The following TOX3 variants were observed in gnomAD, a reference collection of about 807,000 sequenced individuals.
The protein encoded by TOX3 is TOX high mobility group box family member 3.
Under a neutral mutation model 64.3 loss-of-function variants are expected in TOX3, and 22 were observed. That is an observed-to-expected ratio of 0.34 (90% CI 0.24 to 0.49). The LOEUF is 0.49. Among genes scored for constraint, TOX3 ranks in the 20% least tolerant of loss-of-function variants. The pLI is 0.99. For synonymous variants in TOX3, 291 were observed against 273.6 expected, an observed-to-expected ratio of 1.06 and a Z score of -0.63; for missense variants, 661 against 714.4, an observed-to-expected ratio of 0.93 and a Z score of 0.85.
chr16:52,489,519 G>A (rs1961618001), intron 1 of TOX3, among the ~76,000 whole-genome samples: 1 of 152,112 alleles, frequency 6.6e-6, no homozygotes, highest in African/African-American at 2.4e-5. Flanking sequence ...TCTGGAAAGA[G>A]TTATTTTCAT....
At chr16:52,544,801 C>G (rs1471574029) in intron 1 of TOX3, among the ~76,000 whole-genome samples, 1 of 152,200 alleles carries the variant, frequency 6.6e-6, no homozygotes, top group East Asian at 1.9e-4. Context: ...TTCCTCTGGT[C>G]CCTTGAAGTA....
At chr16:52,517,618 G>C (rs1292795886) in intron 1 of TOX3, among the ~76,000 whole-genome samples, 3 of 151,978 alleles carry the variant, frequency 2.0e-5, no homozygotes, top group Admixed American at 1.3e-4. Context: ...TAGACTACAT[G>C]CATCTTACCT....
At chr16:52,477,736 T>C (rs1044070867) in intron 1 of TOX3, among the ~76,000 whole-genome samples, 1 of 152,148 alleles carries the variant, frequency 6.6e-6, no homozygotes. Flanking sequence ...GTGTTTCAAT[T>C]TTCCCATCAA....
rs45586034 is a variant in TOX3 at position 52,541,086 on chromosome 16, A to T, written c.87+5551T>A. Among the ~76,000 whole-genome samples, 381 of 152,182 alleles carry T rather than the reference A, an allele frequency of 2.5e-3. 3 individuals carry two copies. Among genetic ancestry groups the T allele is most frequent in the Non-Finnish European group, 1.9e-3 (129 of 68,016 alleles). ...TAGTCTACAGACCCACAACCTTAGC[A>T]TTGCCTGGGAGCCCAGCCCTGGGCC... On this transcript the variant is annotated intron_variant, in intron 1 of 6. Coordinates refer to ENST00000219746, the MANE Select transcript of TOX3 (RefSeq NM_001080430.4).
At chr16:52,534,686 G>A (rs1962914309) in intron 1 of TOX3, among the ~76,000 whole-genome samples, 1 of 151,922 alleles carries the variant, frequency 6.6e-6, no homozygotes, top group African/African-American at 2.4e-5. Context: ...ACTGGACTCT[G>A]GGAACAAGAT....
intron 6 of TOX3, among the ~76,000 whole-genome samples, chr16:52,440,203 T>C (rs1959921610): frequency 6.6e-6 from 1 of 152,130 alleles, no homozygotes; most frequent in South Asian, 2.1e-4. Context: ...CAGAATGTGA[T>C]GACAGTGATA....
At chr16:52,493,828 A>C (rs1296939692) in intron 1 of TOX3, among the ~76,000 whole-genome samples, 3 of 152,100 alleles carry the variant, frequency 2.0e-5, no homozygotes, top group Non-Finnish European at 4.4e-5. Context: ...TAAGCACATA[A>C]TTACCCAGAC....
At chr16:52,537,524 A>C (rs4783780) in intron 1 of TOX3, among the ~76,000 whole-genome samples, 74,028 of 151,948 alleles carry the variant, frequency 0.49, 18,286 homozygotes, top group East Asian at 0.63. Flanking sequence ...CTTCAAAATC[A>C]TCAAGCTTCA....
At chr16:52,450,165 G>C in intron 4 of TOX3, 112 bp downstream of exon 4, 1 of 1,254,762 alleles carries the variant, frequency 8.0e-7, no homozygotes, top group Non-Finnish European at 1.1e-6. Flanking sequence ...ACATTTAAAT[G>C]CTACTCCAAA....
chr16:52,440,003 A>C lies in TOX3; in HGVS notation c.988-35T>G, dbSNP rs192961853. 47 of 1,464,738 alleles carry C rather than the reference A, an allele frequency of 3.2e-5. No homozygotes were observed. In the Admixed American group the frequency reaches 8.6e-4, roughly 27 times the overall value. The allele number at this position is 1,464,738 out of a possible 1,614,324, so 90.7% of individuals were successfully genotyped here. Reference sequence around the variant, plus strand: ...GGGGGAGAAAATTCCAGACTGTTACAACACATAAGTATTTAAAATATTTAA... The same window carrying C: ...GGGGGAGAAAATTCCAGACTGTTACCACACATAAGTATTTAAAATATTTAA... On this transcript the variant is annotated intron_variant, in intron 6 of 6. Coordinates refer to ENST00000219746, the MANE Select transcript of TOX3 (RefSeq NM_001080430.4).
At chr16:52,459,890 G>A (rs767384379) in intron 3 of TOX3, among the ~76,000 whole-genome samples, 1 of 151,876 alleles carries the variant, frequency 6.6e-6, no homozygotes, top group Non-Finnish European at 1.5e-5. Context: ...TTCAAAATTA[G>A]AGCCATGCCA....
intron 1 of TOX3, among the ~76,000 whole-genome samples, chr16:52,492,049 C>T (rs908301310): frequency 1.3e-5 from 2 of 152,034 alleles, no homozygotes; most frequent in African/African-American, 4.8e-5. Flanking sequence ...ACAACAAAGG[C>T]TGACTCTGAA....
intron 4 of TOX3, 147 bp from the exon 5 acceptor site, chr16:52,446,368 T>G: frequency 1.3e-6 from 1 of 752,356 alleles, no homozygotes; most frequent in East Asian, 2.7e-5. Flanking sequence ...AGGGGTAAAC[T>G]TGCTTGGAGT....
chr16:52,474,408 T>G (rs1210999118), intron 1 of TOX3, among the ~76,000 whole-genome samples: 2 of 151,920 alleles, frequency 1.3e-5, no homozygotes, highest in African/African-American at 2.4e-5. Context: ...CAAAGAGGCC[T>G]TTCGAAAATC....
At chr16:52,482,236 T>C (rs1961388638) in intron 1 of TOX3, among the ~76,000 whole-genome samples, 1 of 152,172 alleles carries the variant, frequency 6.6e-6, no homozygotes, top group South Asian at 2.1e-4. Context: ...TAACCATGAA[T>C]TTAAGTATTC....
chr16:52,490,980 A>T (rs1339568644), intron 1 of TOX3, among the ~76,000 whole-genome samples: 1 of 151,996 alleles, frequency 6.6e-6, no homozygotes, highest in African/African-American at 2.4e-5. Context: ...AGCGTAATTT[A>T]CCTAATTGGT....
In TOX3 at chr16:52,439,185, C is replaced by A. The variant is rs1016625692; in HGVS notation, c.*40G>T. 12 of 1,612,996 alleles carry A rather than the reference C, an allele frequency of 7.4e-6. No homozygotes were observed. The African/African-American group carries it at 1.6e-4, about 22-fold the overall frequency. ...ACATATGCTTTTCCCTCCTATGCCA[C>A]TCTCCTTGGTATACGCAAATCCGTC... On this transcript the variant is annotated 3_prime_UTR_variant, in exon 7 of 7. Transcript: ENST00000219746.
At chr16:52,475,374 A>T (rs561323304) in intron 1 of TOX3, among the ~76,000 whole-genome samples, 61 of 152,328 alleles carry the variant, frequency 4.0e-4, no homozygotes, top group African/African-American at 1.4e-3. Context: ...CCAAGTGAAA[A>T]TAAGATGTCC....
At chr16:52,457,840 T>C (rs1960566308) in intron 3 of TOX3, among the ~76,000 whole-genome samples, 1 of 152,152 alleles carries the variant, frequency 6.6e-6, no homozygotes. Flanking sequence ...TGCACTGAAA[T>C]AGATCATTTT....
Sources: allele counts gnomAD v4.1 joint callset (sites outside exome capture counted in the v4.1 genomes callset), GRCh38; gene constraint gnomAD v4.1.1; transcripts MANE v1.5; gene names NCBI Gene and HGNC (gene_info 2026-07-23, HGNC 2026-07-21).